Variants in ENOX1 observed in about 807,000 individuals in gnomAD.
The protein encoded by ENOX1 is ecto-NOX disulfide-thiol exchanger 1.
In ENOX1, 42 loss-of-function variants were observed where a neutral mutation model predicts 82.5. That is an observed-to-expected ratio of 0.51 (90% CI 0.40 to 0.66). ENOX1 has a LOEUF of 0.66. Ranked by LOEUF, ENOX1 falls within the 30% of genes least tolerant of loss-of-function variation. The probability of loss-of-function intolerance (pLI) is 0.00; values close to 1 mark genes in which losing one functional copy is unlikely to be tolerated. For synonymous variants in ENOX1, 271 were observed against 282.2 expected, an observed-to-expected ratio of 0.96 and a Z score of 0.40; for missense variants, 608 against 811.6, an observed-to-expected ratio of 0.75 and a Z score of 3.05.
intron 2 of ENOX1, among the ~76,000 whole-genome samples, chr13:43,658,521 T>G (rs2084556580): frequency 6.6e-6 from 1 of 152,198 alleles, no homozygotes; most frequent in Non-Finnish European, 1.5e-5. Flanking sequence ...ATTTTCTGCC[T>G]TTTTGTCTTC....
intron 8 of ENOX1, among the ~76,000 whole-genome samples, chr13:43,349,665 A>C (rs548130980): frequency 6.0e-4 from 92 of 152,356 alleles, no homozygotes; most frequent in Non-Finnish European, 1.1e-3. Context: ...CCAGAATTGG[A>C]ATCTGCATTT....
intron 8 of ENOX1, among the ~76,000 whole-genome samples, chr13:43,352,031 T>A (rs1294676159): frequency 6.6e-6 from 1 of 152,216 alleles, no homozygotes; most frequent in East Asian, 1.9e-4. Context: ...ACTTGGCTCA[T>A]AACATTATTG....
chr13:43,600,460 G>A (rs2081658477), intron 2 of ENOX1, among the ~76,000 whole-genome samples: 1 of 152,218 alleles, frequency 6.6e-6, no homozygotes, highest in African/African-American at 2.4e-5. Flanking sequence ...GTGGAAAGGA[G>A]AGGGAAGATT....
intron 2 of ENOX1, among the ~76,000 whole-genome samples, chr13:43,635,600 C>G (rs1185255176): frequency 6.6e-6 from 1 of 152,076 alleles, no homozygotes; most frequent in Non-Finnish European, 1.5e-5. Flanking sequence ...CCTGTAATTT[C>G]CACATGTGAG....
At chr13:43,754,329 A>G (rs1418471815) in intron 1 of ENOX1, among the ~76,000 whole-genome samples, 24 of 147,470 alleles carry the variant, frequency 1.6e-4, no homozygotes, top group South Asian at 6.3e-4. Flanking sequence ...GTGTGTATAT[A>G]TATATATATT....
At chr13:43,615,073 AT>A (rs1295477573) in intron 2 of ENOX1, among the ~76,000 whole-genome samples, 1 of 152,180 alleles carries the variant, frequency 6.6e-6, no homozygotes, top group Non-Finnish European at 1.5e-5. Flanking sequence ...GTACAGGGCT[AT>A]TTACAGAGAA....
chr13:43,224,982 G>A (rs1013680844), intron 15 of ENOX1, among the ~76,000 whole-genome samples: 1 of 152,184 alleles, frequency 6.6e-6, no homozygotes, highest in African/African-American at 2.4e-5. Context: ...AAGAAGTTGT[G>A]CACTTGTTAT....
At chr13:43,432,242 C>A (rs1285569573) in intron 3 of ENOX1, among the ~76,000 whole-genome samples, 1 of 152,152 alleles carries the variant, frequency 6.6e-6, no homozygotes, top group Non-Finnish European at 1.5e-5. Flanking sequence ...ATAAAAACTG[C>A]ATTTTCAAAT....
intron 14 of ENOX1, among the ~76,000 whole-genome samples, chr13:43,247,939 G>T (rs1166211980): frequency 3.4e-5 from 4 of 116,994 alleles, no homozygotes; most frequent in Non-Finnish European, 6.9e-5. Context: ...AGGCTGGAGT[G>T]CAGTGGCGGG....
At chr13:43,779,183 TAAAAAAA>T (rs57388902) in intron 1 of ENOX1, among the ~76,000 whole-genome samples, 1 of 118,082 alleles carries the variant, frequency 8.5e-6, no homozygotes, top group African/African-American at 3.1e-5. Context: ...CCTCGTTATT[TAAAAAAA>T]AAAAAAAAAA....
intron 1 of ENOX1, among the ~76,000 whole-genome samples, chr13:43,697,210 C>G (rs894606202): frequency 3.6e-4 from 55 of 152,114 alleles, no homozygotes; most frequent in African/African-American, 1.3e-3. Flanking sequence ...ATCAGGGGAA[C>G]ATATGTAGGT....
intron 14 of ENOX1, among the ~76,000 whole-genome samples, chr13:43,242,761 G>GGAC (rs2042898052): frequency 6.6e-6 from 1 of 152,182 alleles, no homozygotes. Context: ...TGGTCCAAGG[G>GGAC]GACACATCTC....
chr13:43,478,826 G>A (rs1016706088), intron 3 of ENOX1, among the ~76,000 whole-genome samples: 1 of 152,164 alleles, frequency 6.6e-6, no homozygotes, highest in East Asian at 1.9e-4. Context: ...TGTGTACTGG[G>A]GAATTCAATG....
At chr13:43,292,691 T>C (rs1328867309) in intron 12 of ENOX1, among the ~76,000 whole-genome samples, 2 of 151,906 alleles carry the variant, frequency 1.3e-5, no homozygotes, top group Admixed American at 6.5e-5. Context: ...AGCTTTCTAA[T>C]CATTAAAAGC....
rs1429889812 is a variant in ENOX1, at chr13:43,669,326, TC to T, written c.-284-1783del. ...ATGCACTCCCCTCTCTGAGCCCTTC[TC>T]TTCCTCCTGAATTTAAACAGTTCTT... is the stretch of plus-strand genomic sequence containing the variant. On this transcript the variant is annotated intron_variant, in intron 1 of 16. Transcript: ENST00000690772. 2.0e-5 allele frequency among the ~76,000 whole-genome samples: 3 copies of T among 152,212 alleles called. No homozygotes were observed. The South Asian group carries it at 6.2e-4, about 32-fold the overall frequency.
intron 5 of ENOX1, among the ~76,000 whole-genome samples, chr13:43,370,315 C>T (rs1337760202): frequency 3.3e-5 from 5 of 151,892 alleles, no homozygotes; most frequent in African/African-American, 7.3e-5. Context: ...TGTAGTGAGC[C>T]GAGATCGCGC....
chr13:43,471,809 CAAAAAAAAAAA>C (rs5803181), intron 3 of ENOX1, among the ~76,000 whole-genome samples: 4 of 124,524 alleles, frequency 3.2e-5, no homozygotes, highest in Admixed American at 1.7e-4. Context: ...GACTCCGTCT[CAAAAAAAAAAA>C]AAAAAAAAAG....
chr13:43,740,588 G>A (rs1594641982), intron 1 of ENOX1, among the ~76,000 whole-genome samples: 1 of 151,900 alleles, frequency 6.6e-6, no homozygotes, highest in African/African-American at 2.4e-5. Context: ...CAGGTATTAA[G>A]CCTAGTACCA....
intron 2 of ENOX1, among the ~76,000 whole-genome samples, chr13:43,564,190 T>C (rs2079815281): frequency 6.6e-6 from 1 of 152,096 alleles, no homozygotes; most frequent in Admixed American, 6.6e-5. Context: ...ATTAATGAAA[T>C]TGAAGAGGTC....
Sources: gnomAD v4.1 joint callset for allele counts (sites outside exome capture counted in the v4.1 genomes callset) on GRCh38, gnomAD v4.1.1 for gene constraint, MANE v1.5 for transcripts, NCBI Gene and HGNC (gene_info 2026-07-23, HGNC 2026-07-21) for gene names.